CCDC190: variants seen among roughly 807,000 people sequenced by gnomAD.
CCDC190 encodes the protein coiled-coil domain-containing protein 190.
CCDC190 carries 10 observed loss-of-function variants against 13.1 expected under a neutral mutation model. The ratio of observed to expected loss-of-function variants is 0.77; its 90% CI spans 0.47 to 1.30. CCDC190 has a LOEUF of 1.30. Ranked by LOEUF, CCDC190 falls within the 50% of genes most tolerant of loss-of-function variation. The probability of loss-of-function intolerance (pLI) is 0.00; values close to 1 mark genes in which losing one functional copy is unlikely to be tolerated. For synonymous variants in CCDC190, 136 were observed against 127.2 expected, an observed-to-expected ratio of 1.07 and a Z score of -0.47; for missense variants, 375 against 354.3, an observed-to-expected ratio of 1.06 and a Z score of -0.47.
At chr1:162,859,736 A>T in intron 1 of CCDC190, 78 bp from the exon 2 acceptor site, 1 of 1,204,634 alleles carries the variant, frequency 8.3e-7, no homozygotes, top group Non-Finnish European at 1.2e-6. Context: ...ATCAGAGATC[A>T]GTGGTAGAAC....
upstream of CCDC190, among the ~76,000 whole-genome samples, chr1:162,864,178 A>C (rs1327361762): frequency 6.6e-6 from 1 of 152,180 alleles, no homozygotes; most frequent in Non-Finnish European, 1.5e-5. Flanking sequence ...AGAATTACAC[A>C]GACTTCCTAC....
intron 2 of CCDC190, among the ~76,000 whole-genome samples, chr1:162,857,670 T>C (rs1399115838): frequency 6.6e-6 from 1 of 152,176 alleles, no homozygotes; most frequent in Non-Finnish European, 1.5e-5. Flanking sequence ...ACATACTGTG[T>C]CTTTTGGGAA....
At chr1:162,863,646 G>A (rs1481938512), upstream of CCDC190, among the ~76,000 whole-genome samples, 2 of 152,174 alleles carry the variant, frequency 1.3e-5, no homozygotes, top group Non-Finnish European at 1.5e-5. Flanking sequence ...CGAGGCAGGG[G>A]TTCCTGACTT....
rs2102256111 is a variant in CCDC190 at position 162,852,389 on chromosome 1, AT to A, written c.*2375del. The A allele has an allele frequency of 6.6e-6, 1 of 152,368 alleles. No homozygotes were observed. Among genetic ancestry groups the A allele is most frequent in the South Asian group, 2.1e-4 (1 of 4,828 alleles). 9.4% of individuals were successfully genotyped at this position (152,368 alleles called of 1,614,324 possible). On this transcript the variant is annotated 3_prime_UTR_variant, in exon 4 of 4. Transcript: ENST00000367912. Reference sequence around the variant, plus strand: ...ACCGTGTGCCACGTCAGGATTAAGGATTTAAACTGTTTAGAATTTAATGAGT... The same window carrying A: ...ACCGTGTGCCACGTCAGGATTAAGGATTAAACTGTTTAGAATTTAATGAGT...
Position 162,854,880 on chromosome 1 carries a change from G to T in CCDC190, c.791C>A (p.Pro264His), listed in dbSNP as rs192651726. Residue 264 changes from proline (P) to histidine (H), a missense_variant, in exon 4 of 4, where the codon CCT becomes CAT. Physicochemically the swap from Pro to His is moderately conservative, Grantham distance 77. Coordinates refer to ENST00000367912, the MANE Select transcript of CCDC190 (RefSeq NM_001394065.1). ...AATGCTAAGCAACCTCTCAGACTCA[G>T]GGGGGACCCTGTGCCGGAGATAATG... is the stretch of plus-strand genomic sequence containing the variant. ...NAHYLRHRVP[P>H]ESERLLSIGE... 1 of 1,613,970 alleles carries T rather than the reference G, an allele frequency of 6.2e-7. No individual in the cohort carries two copies. The highest frequency in any genetic ancestry group is 1.1e-5 in the South Asian group (1 of 91,088).
rs774519632 is a variant in CCDC190, at chr1:162,854,895, C to T, written c.776G>A (p.Arg259Gln). The T allele has an allele frequency of 1.4e-5, 23 of 1,613,876 alleles. No individual in the cohort carries two copies. The highest frequency in any genetic ancestry group is 9.3e-5 in the African/African-American group (7 of 74,928). The change falls in exon 4 of 4, where the codon CGG (arginine) becomes CAG (glutamine). Residue 259 changes from arginine to glutamine, a missense_variant. Physicochemically the swap from Arg to Gln is conservative, Grantham distance 43. Coordinates refer to ENST00000367912, the MANE Select transcript of CCDC190 (RefSeq NM_001394065.1). ...CTCAGACTCAGGGGGGACCCTGTGC[C>T]GGAGATAATGGGCATTTCTGGCCTT... ...LSKARNAHYLRHRVPPESERL... is the reference protein window; with the variant it reads ...LSKARNAHYLQHRVPPESERL...
intron 2 of CCDC190, among the ~76,000 whole-genome samples, chr1:162,857,276 C>T (rs1281540309): frequency 6.6e-6 from 1 of 152,218 alleles, no homozygotes; most frequent in East Asian, 1.9e-4. Context: ...ATCAGGTCTA[C>T]TCTGACTATA....
upstream of CCDC190, among the ~76,000 whole-genome samples, chr1:162,865,271 G>A (rs902953618): frequency 6.6e-6 from 1 of 152,104 alleles, no homozygotes; most frequent in African/African-American, 2.4e-5. Context: ...ATGGAGGAAT[G>A]AACAAACCCA....
upstream of CCDC190, among the ~76,000 whole-genome samples, chr1:162,863,664 C>A (rs751221219): frequency 2.0e-5 from 3 of 152,048 alleles, no homozygotes; most frequent in Non-Finnish European, 4.4e-5. Context: ...CTTGAGGAGA[C>A]AAAGGTGTAA....
At chr1:162,867,457 G>A (rs1650747875) in intron 1 of CCDC190, among the ~76,000 whole-genome samples, 1 of 152,134 alleles carries the variant, frequency 6.6e-6, no homozygotes, top group South Asian at 2.1e-4. Flanking sequence ...AGAATATGGA[G>A]CAACTGGATT....
chr1:162,863,302 C>T (rs1316050995), upstream of CCDC190, among the ~76,000 whole-genome samples: 1 of 152,066 alleles, frequency 6.6e-6, no homozygotes, highest in Non-Finnish European at 1.5e-5. Flanking sequence ...CCCTTGGTTT[C>T]CTTATTTGTA....
chr1:162,867,644 G>T (rs1650752808), intron 1 of CCDC190, among the ~76,000 whole-genome samples: 1 of 152,160 alleles, frequency 6.6e-6, no homozygotes, highest in Non-Finnish European at 1.5e-5. Context: ...ATATTGTATA[G>T]CAGCCTTATT....
chr1:162,868,436 A>G lies in CCDC190; in HGVS notation c.-13+217T>C, dbSNP rs192100672. Among the ~76,000 whole-genome samples the G allele has an allele frequency of 2.6e-4, 39 of 152,336 alleles. No individual in the cohort carries two copies. In the East Asian group the frequency reaches 7.3e-3, roughly 29 times the overall value. On this transcript the variant is annotated intron_variant, in intron 1 of 3. Coordinates refer to the CCDC190 transcript ENST00000367910. ...TTCATAGATTAAGATTCATGTTGTC[A>G]ATTGTGAATTTTAGCTCCAGATCAA...
upstream of CCDC190, among the ~76,000 whole-genome samples, chr1:162,862,856 G>C (rs1414834530): frequency 6.6e-6 from 1 of 152,162 alleles, no homozygotes; most frequent in Non-Finnish European, 1.5e-5. Flanking sequence ...AAGGAAGAAT[G>C]ATAGAGCAGA....
chr1:162,867,171 C>T (rs1459263034), intron 1 of CCDC190, among the ~76,000 whole-genome samples: 1 of 151,936 alleles, frequency 6.6e-6, no homozygotes, highest in African/African-American at 2.4e-5. Context: ...AAGCAAGAAC[C>T]TGTTGGAATA....
intron 1 of CCDC190, among the ~76,000 whole-genome samples, chr1:162,867,224 A>T (rs1401400244): frequency 1.3e-5 from 2 of 152,170 alleles, no homozygotes; most frequent in African/African-American, 4.8e-5. Context: ...CTCTATCTAT[A>T]TCTAAATAAC....
Position 162,859,446 on chromosome 1 carries a change from C to T in CCDC190, c.187+14G>A, listed in dbSNP as rs1381434094. The T allele has an allele frequency of 2.5e-6, 4 of 1,609,774 alleles. No individual in the cohort carries two copies. Among genetic ancestry groups the T allele is most frequent in the Non-Finnish European group, 3.4e-6 (4 of 1,177,880 alleles). On this transcript the variant is annotated intron_variant, in intron 2 of 3. Coordinates refer to ENST00000367912, the MANE Select transcript of CCDC190 (RefSeq NM_001394065.1). ...CCTCTGGGGCATCCTCCTCACCAGT[C>T]CTGAAAGTCTTACCTTGCTGCAACC...
chr1:162,857,591 A>G (rs1449124603), intron 2 of CCDC190, among the ~76,000 whole-genome samples: 2 of 152,088 alleles, frequency 1.3e-5, no homozygotes, highest in Non-Finnish European at 2.9e-5. Context: ...GAGTGGCCCC[A>G]TTCCATACGT....
At chr1:162,861,643 C>T (rs746699818), upstream of CCDC190, among the ~76,000 whole-genome samples, 49 of 152,272 alleles carry the variant, frequency 3.2e-4, 1 homozygote, top group Non-Finnish European at 5.7e-4. Flanking sequence ...CAGAGCACTT[C>T]GGTGCTTATC....
Sources: allele counts gnomAD v4.1 joint callset (sites outside exome capture counted in the v4.1 genomes callset), GRCh38; gene constraint gnomAD v4.1.1; transcripts MANE v1.5; gene names NCBI Gene and HGNC (gene_info 2026-07-23, HGNC 2026-07-21).